AKAP13: variants seen among roughly 807,000 people sequenced by gnomAD.
AKAP13 encodes A-kinase anchor protein 13.
In AKAP13, 80 loss-of-function variants were observed where a neutral mutation model predicts 264.5. The ratio of observed to expected loss-of-function variants is 0.30; its 90% CI spans 0.25 to 0.36. AKAP13 has a LOEUF of 0.36. Ranked by LOEUF, AKAP13 falls within the 10% of genes least tolerant of loss-of-function variation. The pLI, the probability that AKAP13 is intolerant of heterozygous loss-of-function variation, is 1.00. For missense variants in AKAP13, 3,712 were observed against 3,435.2 expected (o/e 1.08, Z -2.01); for synonymous variants, 1,380 against 1,250.2 (o/e 1.10, Z -2.19).
intron 29 of AKAP13, 57 bp from the exon 30 acceptor site, chr15:85,730,456 C>A: frequency 6.5e-7 from 1 of 1,548,388 alleles, no homozygotes; most frequent in South Asian, 1.2e-5. Flanking sequence ...GTGTCTTAGT[C>A]ATTCTCGTAA....
At chr15:85,630,208 CATCATGAACTAAGATGGAAAATTGTA>C (rs1567164548) in intron 8 of AKAP13, among the ~76,000 whole-genome samples, 7 of 44,918 alleles carry the variant, frequency 1.6e-4, no homozygotes, top group African/African-American at 6.3e-4. Flanking sequence ...CACACACACA[CATCATGAACTAAGATGGAAAATTGTA>C]ACACACACAC....
At position 85,593,044 on chromosome 15, in the gene AKAP13, A is replaced by G. The variant is rs566682302; in HGVS notation, c.4161+7221A>G. Among the ~76,000 whole-genome samples, 95 of 152,270 alleles carry G rather than the reference A, an allele frequency of 6.2e-4. No individual in the cohort carries two copies. The Middle Eastern group carries it at 0.01, about 16-fold the overall frequency. On this transcript the variant is annotated intron_variant, in intron 8 of 36. Coordinates refer to ENST00000394518, the MANE Select transcript of AKAP13 (RefSeq NM_007200.5). Reference sequence around the variant, plus strand: ...TTATGAAATGATTAGAATAATTTAAAAAATACTGTAATCCCAGCACTTCGG... The same window carrying G: ...TTATGAAATGATTAGAATAATTTAAGAAATACTGTAATCCCAGCACTTCGG...
intron 1 of AKAP13, among the ~76,000 whole-genome samples, chr15:85,460,576 A>G (rs1479356935): frequency 2.0e-5 from 3 of 152,208 alleles, no homozygotes; most frequent in South Asian, 2.1e-4. Context: ...TTTACCTTAT[A>G]TGGCACAAGG....
chr15:85,436,514 A>AT (rs1448789121), intron 1 of AKAP13, among the ~76,000 whole-genome samples: 1 of 148,748 alleles, frequency 6.7e-6, no homozygotes, highest in African/African-American at 2.5e-5. Flanking sequence ...CAGAATATAC[A>AT]TTTTTTTCAG....
chr15:85,434,193 T>C (rs1395139224), intron 1 of AKAP13, among the ~76,000 whole-genome samples: 2 of 151,174 alleles, frequency 1.3e-5, no homozygotes, highest in African/African-American at 4.9e-5. Flanking sequence ...CCTTTCCGAG[T>C]CAAAGAAAGG....
chr15:85,504,300 G>A (rs1387306827), intron 2 of AKAP13, among the ~76,000 whole-genome samples: 2 of 151,968 alleles, frequency 1.3e-5, no homozygotes, highest in African/African-American at 4.8e-5. Flanking sequence ...GAGAGGGGAA[G>A]GAGCGAGGAA....
chr15:85,424,374 G>A (rs1451187961), intron 1 of AKAP13, among the ~76,000 whole-genome samples: 4 of 152,178 alleles, frequency 2.6e-5, no homozygotes, highest in African/African-American at 4.8e-5. Flanking sequence ...TTTATGTTAT[G>A]GAGATAGCTT....
chr15:85,486,831 C>G (rs2075567290), intron 2 of AKAP13, among the ~76,000 whole-genome samples: 1 of 150,490 alleles, frequency 6.6e-6, no homozygotes, highest in South Asian at 2.1e-4. Context: ...CTCCGCCTCC[C>G]AGGTTCACGC....
intron 2 of AKAP13, among the ~76,000 whole-genome samples, chr15:85,501,365 C>T (rs920854649): frequency 1.3e-5 from 2 of 152,208 alleles, no homozygotes; most frequent in African/African-American, 4.8e-5. Context: ...CTTGCTAAGT[C>T]TCAGAATACA....
chr15:85,737,416 T>C (rs966152097), intron 33 of AKAP13, among the ~76,000 whole-genome samples: 1 of 152,188 alleles, frequency 6.6e-6, no homozygotes, highest in Non-Finnish European at 1.5e-5. Flanking sequence ...AGCCGATACA[T>C]GATAATTGCT....
intron 30 of AKAP13, among the ~76,000 whole-genome samples, chr15:85,731,391 A>C (rs1460018305): frequency 6.6e-6 from 1 of 152,186 alleles, no homozygotes; most frequent in Non-Finnish European, 1.5e-5. Context: ...TTTGATATGC[A>C]TCTTAAAATT....
intron 15 of AKAP13, among the ~76,000 whole-genome samples, chr15:85,682,559 C>G (rs1201176087): frequency 6.6e-6 from 1 of 152,050 alleles, no homozygotes; most frequent in Admixed American, 6.6e-5. Context: ...ATATTAGTGT[C>G]TGTGTGTGTG....
chr15:85,624,841 G>A (rs915847171), intron 8 of AKAP13, among the ~76,000 whole-genome samples: 1 of 152,204 alleles, frequency 6.6e-6, no homozygotes, highest in Non-Finnish European at 1.5e-5. Context: ...CACATTGTGG[G>A]TGTGGTTTAG....
At chr15:85,583,435 T>C (rs1191252873) in intron 7 of AKAP13, among the ~76,000 whole-genome samples, 1 of 152,206 alleles carries the variant, frequency 6.6e-6, no homozygotes, top group African/African-American at 2.4e-5. Context: ...CTTTAGCTTT[T>C]TAGTTTTATT....
intron 1 of AKAP13, among the ~76,000 whole-genome samples, chr15:85,453,132 T>C (rs2074151612): frequency 6.6e-6 from 1 of 152,038 alleles, no homozygotes; most frequent in South Asian, 2.1e-4. Flanking sequence ...CTTGTTGGAG[T>C]GTGGATAAAG....
chr15:85,537,437 T>A (rs2077438349), intron 4 of AKAP13, among the ~76,000 whole-genome samples: 1 of 152,280 alleles, frequency 6.6e-6, no homozygotes, highest in Admixed American at 6.5e-5. Flanking sequence ...ATGTAAGATT[T>A]ATGGCTAATC....
At chr15:85,662,318 C>A in intron 12 of AKAP13, 1 of 1,538,808 alleles carries the variant, frequency 6.5e-7, no homozygotes, top group Non-Finnish European at 9.0e-7. Context: ...CGTTTTTAAA[C>A]CTAATAACCC....
At chr15:85,639,298 G>A in intron 8 of AKAP13, 76 bp from the exon 9 acceptor site, 1 of 1,006,958 alleles carries the variant, frequency 9.9e-7, no homozygotes, top group Non-Finnish European at 1.5e-6. Context: ...TTGGTCAGTT[G>A]ACATAATTTT....
At chr15:85,693,566 C>T (rs1414150498) in intron 17 of AKAP13, 115 bp downstream of exon 17, 4 of 1,483,620 alleles carry the variant, frequency 2.7e-6, no homozygotes, top group Non-Finnish European at 3.6e-6. Flanking sequence ...GAGAAGTAAC[C>T]CTTTTTATAT....
Sources: gnomAD v4.1 joint callset for allele counts (sites outside exome capture counted in the v4.1 genomes callset) on GRCh38, gnomAD v4.1.1 for gene constraint, MANE v1.5 for transcripts, NCBI Gene and HGNC (gene_info 2026-07-23, HGNC 2026-07-21) for gene names.